Variants in ALDH1L1 observed in about 807,000 individuals in gnomAD.
The protein encoded by ALDH1L1 is aldehyde dehydrogenase 1 family member L1, also known as cytosolic 10-formyltetrahydrofolate dehydrogenase.
Under a neutral mutation model 101.1 loss-of-function variants are expected in ALDH1L1, and 68 were observed. That is an observed-to-expected ratio of 0.67 (90% CI 0.55 to 0.82). The LOEUF is 0.82. ALDH1L1 is among the 40% of genes least tolerant of loss of function. The pLI, the probability that ALDH1L1 is intolerant of heterozygous loss-of-function variation, is 0.00. For missense variants in ALDH1L1, 1,087 were observed against 1,172.7 expected (o/e 0.93, Z 1.07); for synonymous variants, 486 against 470.8 (o/e 1.03, Z -0.42).
chr3:126,104,085 C>T (rs1053596314), intron 22 of ALDH1L1: 2 of 583,572 alleles, frequency 3.4e-6, no homozygotes, highest in Non-Finnish European at 6.1e-6. Context: ...AAGAATCTTC[C>T]CCAGCTCCCA....
intron 1 of ALDH1L1, among the ~76,000 whole-genome samples, chr3:126,178,477 A>G (rs945798739): frequency 6.6e-6 from 1 of 151,848 alleles, no homozygotes; most frequent in Non-Finnish European, 1.5e-5. Context: ...GAATATGGGA[A>G]CTCTGCACTC....
rs766894953 is a variant in ALDH1L1 at position 126,155,388 on chromosome 3, G to T, written c.630+14C>A. ...CACAGGCAGGATGAGGGTGTGGAGG[G>T]ACCCAGCACTCACCTTGGCTGTCTC... On this transcript the variant is annotated intron_variant, in intron 5 of 22. Coordinates refer to ENST00000393434, the MANE Select transcript of ALDH1L1 (RefSeq NM_012190.4). 1.8e-5 allele frequency: 29 copies of T among 1,609,248 alleles called. No homozygotes were observed. Among genetic ancestry groups the T allele is most frequent in the Non-Finnish European group, 2.5e-5 (29 of 1,177,460 alleles).
chr3:126,122,486 G>C (rs2080098634), intron 16 of ALDH1L1, among the ~76,000 whole-genome samples: 1 of 152,182 alleles, frequency 6.6e-6, no homozygotes, highest in Non-Finnish European at 1.5e-5. Flanking sequence ...CAAATCCATA[G>C]GACCAGCTGA....
At chr3:126,141,540 A>G (rs1260340994) in intron 9 of ALDH1L1, among the ~76,000 whole-genome samples, 6 of 152,160 alleles carry the variant, frequency 3.9e-5, no homozygotes, top group Non-Finnish European at 7.4e-5. Flanking sequence ...CTAGAAATCG[A>G]TAACAGAAAG....
chr3:126,147,048 AC>A, intron 8 of ALDH1L1, 122 bp from the exon 9 acceptor site: 1 of 882,808 alleles, frequency 1.1e-6, no homozygotes, highest in Non-Finnish European at 1.7e-6. Context: ...TTCTCTATGT[AC>A]CTCCAAGTTG....
At chr3:126,158,360 G>A (rs1182993794) in intron 3 of ALDH1L1, 45 bp downstream of exon 3, 2 of 1,472,148 alleles carry the variant, frequency 1.4e-6, no homozygotes, top group African/African-American at 2.8e-5. Context: ...GGCTGATGGA[G>A]GGACATGTAT....
chr3:126,116,997 T>C (rs1449636276), intron 17 of ALDH1L1, among the ~76,000 whole-genome samples: 1 of 152,178 alleles, frequency 6.6e-6, no homozygotes, highest in Non-Finnish European at 1.5e-5. Context: ...AGTAGCCACA[T>C]AGACAATGGG....
rs1038206623 is a variant in ALDH1L1, at chr3:126,153,435, T to G, written c.858+9A>C. On this transcript the variant is annotated intron_variant, in intron 7 of 22. Transcript: ENST00000393434. ...TGAGCAGGCAAGTGACCCACAGCCG[T>G]GCCCTTACCATTTTGTCATCATTCC... The G allele has an allele frequency of 1.9e-6, 3 of 1,613,366 alleles. No homozygotes were observed. The highest frequency in any genetic ancestry group is 2.5e-6 in the Non-Finnish European group (3 of 1,180,012).
chr3:126,110,774 G>A (rs1466054194), intron 19 of ALDH1L1, among the ~76,000 whole-genome samples: 1 of 152,062 alleles, frequency 6.6e-6, no homozygotes, highest in African/African-American at 2.4e-5. Context: ...GCCAAACCCG[G>A]TTGCTTTTGT....
In ALDH1L1 at chr3:126,118,099, C is replaced by T. The variant is rs949900226; in HGVS notation, c.1889-1G>A. ...GAGAGTCTCTGGCCGACCAGGGAGC[C>T]TGTGGGCGGGAGGGAGGGGGGAATC... On this transcript the variant is annotated splice_acceptor_variant, in intron 16 of 22. Transcript: ENST00000393434. LOFTEE classifies it high-confidence loss of function. 36 of 1,611,088 alleles carry T rather than the reference C, an allele frequency of 2.2e-5. No individual in the cohort carries two copies. Among genetic ancestry groups the T allele is most frequent in the Non-Finnish European group, 3.0e-5 (35 of 1,178,486 alleles).
chr3:126,138,127 T>C (rs1048434551), intron 9 of ALDH1L1, among the ~76,000 whole-genome samples, 167 bp from the exon 10 acceptor site: 2 of 152,144 alleles, frequency 1.3e-5, no homozygotes, highest in African/African-American at 2.4e-5. Context: ...TGGACTCAGA[T>C]GGTCCCGGGT....
At chr3:126,183,728 C>T (rs73859030), upstream of ALDH1L1, among the ~76,000 whole-genome samples, 10,068 of 152,118 alleles carry the variant, frequency 0.066, 483 homozygotes, top group East Asian at 0.19. Flanking sequence ...AGGGGGGAGG[C>T]GCAGTTAATT....
chr3:126,141,265 T>C (rs1025860690), intron 9 of ALDH1L1, among the ~76,000 whole-genome samples: 9 of 152,002 alleles, frequency 5.9e-5, no homozygotes, highest in Non-Finnish European at 1.3e-4. Context: ...GAAGCAAAAA[T>C]GGACATTTCT....
chr3:126,176,077 A>C (rs1397992519), intron 1 of ALDH1L1, among the ~76,000 whole-genome samples: 4 of 152,222 alleles, frequency 2.6e-5, no homozygotes, highest in Non-Finnish European at 4.4e-5. Flanking sequence ...GAGATTAAAA[A>C]CACAAAACCA....
intron 21 of ALDH1L1, among the ~76,000 whole-genome samples, chr3:126,106,924 C>T (rs1313707491): frequency 1.3e-5 from 2 of 152,256 alleles, no homozygotes; most frequent in Admixed American, 1.3e-4. Flanking sequence ...AGGGAGCTGC[C>T]TTTGCTCACA....
chr3:126,109,531 C>T (rs1946005980), intron 20 of ALDH1L1, among the ~76,000 whole-genome samples: 2 of 152,038 alleles, frequency 1.3e-5, no homozygotes, highest in South Asian at 2.1e-4. Context: ...GCAAAAAGTC[C>T]CCCATGAGAG....
chr3:126,123,333 C>T (rs2080116262), intron 16 of ALDH1L1, among the ~76,000 whole-genome samples: 1 of 151,100 alleles, frequency 6.6e-6, no homozygotes, highest in Non-Finnish European at 1.5e-5. Context: ...TCTCGGATCA[C>T]TGCAAACTCC....
At chr3:126,196,781 A>C (rs1038128003) in intron 1 of ALDH1L1, among the ~76,000 whole-genome samples, 8 of 152,202 alleles carry the variant, frequency 5.3e-5, no homozygotes, top group Non-Finnish European at 1.0e-4. Context: ...GGAAGTGGTA[A>C]AAGTCACACA....
intron 16 of ALDH1L1, among the ~76,000 whole-genome samples, chr3:126,122,615 T>C (rs1286976353): frequency 6.6e-5 from 10 of 152,194 alleles, no homozygotes; most frequent in Admixed American, 5.9e-4. Flanking sequence ...TAGCAATATA[T>C]TATTGGGTTT....
Sources: allele counts gnomAD v4.1 joint callset (sites outside exome capture counted in the v4.1 genomes callset), GRCh38; gene constraint gnomAD v4.1.1; transcripts MANE v1.5; gene names NCBI Gene and HGNC (gene_info 2026-07-23, HGNC 2026-07-21).